PLPP1: variants seen among roughly 807,000 people sequenced by gnomAD.
PLPP1 encodes lipid phosphate phosphohydrolase 1a.
Under a neutral mutation model 31.2 loss-of-function variants are expected in PLPP1, and 24 were observed. The observed-to-expected ratio is 0.77, with a 90% confidence interval of 0.56 to 1.08. The LOEUF (loss-of-function observed/expected upper bound fraction) is 1.08, where lower values mean the gene tolerates loss of function less well. Among genes scored for constraint, PLPP1 ranks in the 50% least tolerant of loss-of-function variants. PLPP1 has a pLI of 0.00. For synonymous variants in PLPP1, 146 were observed against 126.3 expected, an observed-to-expected ratio of 1.16 and a Z score of -1.05; for missense variants, 319 against 342.7, an observed-to-expected ratio of 0.93 and a Z score of 0.55.
intron 1 of PLPP1, chr5:55,484,475 G>C (rs1239942366): frequency 6.6e-6 from 1 of 152,032 alleles, no homozygotes; most frequent in East Asian, 1.9e-4. Context: ...GTAAACTTGG[G>C]TTGGCAGATT....
intron 1 of PLPP1, among the ~76,000 whole-genome samples, chr5:55,509,296 G>GT (rs1753353052): frequency 6.6e-6 from 1 of 152,198 alleles, no homozygotes; most frequent in Admixed American, 6.5e-5. Flanking sequence ...CAGGTGAGAG[G>GT]TATCAGTGAT....
At chr5:55,431,210 GA>G (rs1032824459) in intron 4 of PLPP1, among the ~76,000 whole-genome samples, 5 of 152,136 alleles carry the variant, frequency 3.3e-5, no homozygotes, top group African/African-American at 1.2e-4. Flanking sequence ...AGGAAGCTTA[GA>G]AAACCCCAAA....
At chr5:55,506,451 C>A (rs1753281330) in intron 1 of PLPP1, among the ~76,000 whole-genome samples, 1 of 152,122 alleles carries the variant, frequency 6.6e-6, no homozygotes. Context: ...CACCACATTA[C>A]ACAGCCTCTC....
At chr5:55,426,093 T>A in intron 4 of PLPP1, 54 bp from the exon 5 acceptor site, 1 of 1,434,202 alleles carries the variant, frequency 7.0e-7, no homozygotes. Flanking sequence ...CGCAAAACTT[T>A]TATATTAAGG....
At chr5:55,437,559 TAAC>T (rs796090814) in intron 4 of PLPP1, among the ~76,000 whole-genome samples, 10 of 151,802 alleles carry the variant, frequency 6.6e-5, no homozygotes, top group African/African-American at 2.4e-4. Flanking sequence ...AGAACTAGAC[TAAC>T]AACAGCAGGC....
chr5:55,530,272 C>CA, intron 1 of PLPP1: 1 of 1,508,504 alleles, frequency 6.6e-7, no homozygotes, highest in African/African-American at 1.4e-5. Flanking sequence ...AGATGACTAA[C>CA]GAAATTTCTG....
At chr5:55,472,084 T>A (rs1004837783) in intron 2 of PLPP1, among the ~76,000 whole-genome samples, 1 of 152,200 alleles carries the variant, frequency 6.6e-6, no homozygotes, top group African/African-American at 2.4e-5. Flanking sequence ...ATCACACCAC[T>A]GCACTCCAAG....
At chr5:55,525,322 A>G (rs1156829392) in intron 1 of PLPP1, among the ~76,000 whole-genome samples, 1 of 152,234 alleles carries the variant, frequency 6.6e-6, no homozygotes, top group Non-Finnish European at 1.5e-5. Context: ...CTTTCATTAT[A>G]TAGCTAAAGA....
At chr5:55,511,001 T>G (rs1275517909) in intron 1 of PLPP1, among the ~76,000 whole-genome samples, 3 of 152,224 alleles carry the variant, frequency 2.0e-5, no homozygotes, top group Non-Finnish European at 4.4e-5. Context: ...CCCTGCTCTC[T>G]TTCCGAGCCC....
intron 3 of PLPP1, among the ~76,000 whole-genome samples, chr5:55,445,506 A>C (rs1410401464): frequency 6.8e-6 from 1 of 146,026 alleles, no homozygotes; most frequent in Non-Finnish European, 1.5e-5. Flanking sequence ...AGCTGTTTTC[A>C]TTTGAAATAT....
chr5:55,512,560 GAAA>G (rs1561253262), intron 1 of PLPP1, among the ~76,000 whole-genome samples: 5 of 139,722 alleles, frequency 3.6e-5, no homozygotes, highest in African/African-American at 1.4e-4. Context: ...AAGAAAGAAA[GAAA>G]GAAAGAAAGA....
In PLPP1 at chr5:55,468,042, T is replaced by G; in HGVS notation, c.318A>C (p.Leu106Phe). The stretch of plus-strand genomic sequence containing the variant: ...GGGACTGACTAGCAGCTGCACCAAA[T>G]AAAAAGGTTCCAATGGCTTTGTAAA... The part of the protein sequence containing the change: ...ATIYKAIGTF[L>F]FGAAASQSLT... Residue 106 changes from leucine (L) to phenylalanine (F), a missense_variant, in exon 3 of 6, where the codon TTA becomes TTC. Transcript: ENST00000307259. 6.2e-7 allele frequency: 1 copy of G among 1,614,096 alleles called. No homozygotes were observed. Among genetic ancestry groups the G allele is most frequent in the Non-Finnish European group, 8.5e-7 (1 of 1,179,992 alleles).
At chr5:55,459,389 TA>T (rs958071976) in intron 3 of PLPP1, among the ~76,000 whole-genome samples, 3 of 151,426 alleles carry the variant, frequency 2.0e-5, no homozygotes, top group South Asian at 2.1e-4. Context: ...ACATGTTGGT[TA>T]AAAAAAAATC....
At chr5:55,516,045 C>A (rs766548163) in intron 1 of PLPP1, among the ~76,000 whole-genome samples, 2 of 152,202 alleles carry the variant, frequency 1.3e-5, no homozygotes, top group Non-Finnish European at 2.9e-5. Context: ...CTAGCACACT[C>A]CACCTCAGTA....
intron 3 of PLPP1, among the ~76,000 whole-genome samples, chr5:55,446,946 G>A (rs1361139352): frequency 6.6e-6 from 1 of 152,138 alleles, no homozygotes; most frequent in African/African-American, 2.4e-5. Flanking sequence ...CCAGGAACCG[G>A]CAGATACTTT....
intron 1 of PLPP1, among the ~76,000 whole-genome samples, chr5:55,476,373 CAGAG>C (rs1376399922): frequency 6.6e-6 from 1 of 152,074 alleles, no homozygotes; most frequent in South Asian, 2.1e-4. Context: ...AAGCACCTAA[CAGAG>C]AGCGCTGTTT....
chr5:55,431,406 AAAAT>A (rs1751344234), intron 4 of PLPP1, among the ~76,000 whole-genome samples: 1 of 152,232 alleles, frequency 6.6e-6, no homozygotes, highest in African/African-American at 2.4e-5. Flanking sequence ...TGCTGAAAGA[AAAAT>A]AAACCCCACC....
At chr5:55,443,453 A>C (rs1239442438) in intron 3 of PLPP1, among the ~76,000 whole-genome samples, 1 of 152,114 alleles carries the variant, frequency 6.6e-6, no homozygotes, top group Non-Finnish European at 1.5e-5. Flanking sequence ...ATTTTAAATC[A>C]GATAATTAGA....
chr5:55,517,918 G>A (rs1753585871), intron 1 of PLPP1, among the ~76,000 whole-genome samples: 1 of 152,224 alleles, frequency 6.6e-6, no homozygotes, highest in African/African-American at 2.4e-5. Context: ...CGCAATCTCA[G>A]CTCACCGCAA....
Sources: gnomAD v4.1 joint callset for allele counts (sites outside exome capture counted in the v4.1 genomes callset) on GRCh38, gnomAD v4.1.1 for gene constraint, MANE v1.5 for transcripts, NCBI Gene and HGNC (gene_info 2026-07-23, HGNC 2026-07-21) for gene names.